The following POR variants were observed in gnomAD, a reference collection of about 807,000 sequenced individuals.
The protein encoded by POR is cytochrome p450 oxidoreductase.
Under a neutral mutation model 84.0 loss-of-function variants are expected in POR, and 56 were observed. That is an observed-to-expected ratio of 0.67 (90% CI 0.54 to 0.83). The LOEUF is 0.83. Ranked by LOEUF, POR falls within the 40% of genes least tolerant of loss-of-function variation. POR has a pLI of 0.00. For missense variants in POR, 938 were observed against 944.3 expected (o/e 0.99, Z 0.09); for synonymous variants, 414 against 400.5 (o/e 1.03, Z -0.40).
At chr7:75,981,304 C>T (rs1789027324) in intron 6 of POR, 132 bp downstream of exon 6, 6 of 1,358,546 alleles carry the variant, frequency 4.4e-6, no homozygotes, top group Non-Finnish European at 5.9e-6. Context: ...GGAAGGGGCT[C>T]TCCTGCCTCT....
chr7:75,986,507 C>A lies in POR; in HGVS notation c.*26C>A, dbSNP rs1436066011. ...GGGCCTGCCTGCCCCACCCACCCCA[C>A]AGACTCCGGCCTGTAATCAGCTCTC... On this transcript the variant is annotated 3_prime_UTR_variant, in exon 16 of 16. Transcript: ENST00000461988. 2 of 1,600,518 alleles carry A rather than the reference C, an allele frequency of 1.2e-6. No homozygotes were observed. Among genetic ancestry groups the A allele is most frequent in the Middle Eastern group, 1.9e-4 (1 of 5,262 alleles).
chr7:75,949,344 T>C (rs1407689400), intron 1 of POR, among the ~76,000 whole-genome samples: 1 of 151,874 alleles, frequency 6.6e-6, no homozygotes, highest in African/African-American at 2.4e-5. Flanking sequence ...TTAGTAGAGA[T>C]GGAGTTTCGC....
chr7:75,951,884 C>T (rs547824397), intron 1 of POR, among the ~76,000 whole-genome samples: 25 of 152,374 alleles, frequency 1.6e-4, no homozygotes, highest in African/African-American at 1.2e-4. Flanking sequence ...ACCAGTTGAG[C>T]ATCTTATGAG....
intron 1 of POR, among the ~76,000 whole-genome samples, chr7:75,924,453 G>A (rs1277536741): frequency 1.3e-5 from 2 of 152,174 alleles, no homozygotes; most frequent in East Asian, 3.9e-4. Flanking sequence ...AGGCCGAGGT[G>A]GACGGATCAC....
At position 75,975,157 on chromosome 7, in the gene POR, A is replaced by ATTT. The variant is rs79467024; in HGVS notation, c.237+2704_237+2706dup. Reference sequence around the variant, plus strand: ...GCTAAAGAGATAAAGATATTCCTGTATTTTTTTTTTCTAGTACTTTTAGGG... The same window carrying ATTT: ...GCTAAAGAGATAAAGATATTCCTGTATTTTTTTTTTTTTCTAGTACTTTTAGGG... On this transcript the variant is annotated intron_variant, in intron 3 of 15. Coordinates refer to ENST00000461988, the MANE Select transcript of POR (RefSeq NM_000941.3). Among the ~76,000 whole-genome samples the ATTT allele has an allele frequency of 3.3e-3, 489 of 150,166 alleles. 1 individual carries two copies. Among genetic ancestry groups the ATTT allele is most frequent in the African/African-American group, 0.011 (438 of 40,962 alleles).
At chr7:75,948,794 T>A (rs1787291717) in intron 1 of POR, among the ~76,000 whole-genome samples, 1 of 152,112 alleles carries the variant, frequency 6.6e-6, no homozygotes, top group Admixed American at 6.6e-5. Context: ...GACCCTCTAG[T>A]CAGGGAGAGA....
At chr7:75,923,555 T>C in intron 1 of POR, 2 of 375,436 alleles carry the variant, frequency 5.3e-6, no homozygotes, top group South Asian at 2.6e-5. Flanking sequence ...GATTATTTCC[T>C]GCTTTATCTT....
chr7:75,940,179 G>T (rs1275675555), intron 1 of POR, among the ~76,000 whole-genome samples: 1 of 151,992 alleles, frequency 6.6e-6, no homozygotes, highest in African/African-American at 2.4e-5. Flanking sequence ...CGCCTCCTGG[G>T]TTCAAGTGAT....
At chr7:75,973,132 A>G (rs985495739) in intron 3 of POR, among the ~76,000 whole-genome samples, 2 of 151,858 alleles carry the variant, frequency 1.3e-5, no homozygotes, top group South Asian at 2.1e-4. Context: ...CAATTTAACT[A>G]TTTAATTGTA....
chr7:75,986,318 A>G lies in POR; in HGVS notation c.1899-19A>G. 6.2e-7 allele frequency: 1 copy of G among 1,612,098 alleles called. No homozygotes were observed. The highest frequency in any genetic ancestry group is 8.5e-7 in the Non-Finnish European group (1 of 1,179,682). On this transcript the variant is annotated intron_variant, in intron 15 of 15. Coordinates refer to ENST00000461988, the MANE Select transcript of POR (RefSeq NM_000941.3). ...TGCCACAGTTGGCCCAGCCCCCAGCACCCCCTCTTCCTGCCCAGGGATGCA... is the reference window on the plus strand; with the variant it reads ...TGCCACAGTTGGCCCAGCCCCCAGCGCCCCCTCTTCCTGCCCAGGGATGCA...
intron 10 of POR, 132 bp downstream of exon 10, chr7:75,983,988 A>G (rs1034230747): frequency 4.8e-5 from 34 of 708,148 alleles, no homozygotes; most frequent in Admixed American, 1.5e-4. Flanking sequence ...CCGAGACTCC[A>G]CGGTTACAGG....
chr7:75,919,378 C>CGTGT (rs1458787395), intron 1 of POR, among the ~76,000 whole-genome samples: 50 of 136,260 alleles, frequency 3.7e-4, no homozygotes, highest in African/African-American at 1.5e-3. Flanking sequence ...TGCATCTGTG[C>CGTGT]GTGCGTGTGT....
chr7:75,931,810 G>A (rs1049257788), intron 1 of POR, among the ~76,000 whole-genome samples: 3 of 152,066 alleles, frequency 2.0e-5, no homozygotes, highest in African/African-American at 7.2e-5. Flanking sequence ...CACATGAACC[G>A]GCTCCCACCA....
At chr7:75,985,253 C>G (rs782097978) in intron 12 of POR, 46 bp downstream of exon 12, 1 of 1,533,648 alleles carries the variant, frequency 6.5e-7, no homozygotes, top group Non-Finnish European at 8.8e-7. Context: ...GAGGCCCAGC[C>G]CTGCTCACAG....
In POR at chr7:75,979,501, G is replaced by C. The variant is rs782226844; in HGVS notation, c.288G>C (p.Glu96Asp). ...GCTCCCAGACGGGGACTGCAGAGGA[G>C]TTTGCCAACCGCCTGTCCAAGGACG... The change falls in exon 4 of 16, where the codon GAG becomes GAC. Residue 96 changes from glutamate (E) to aspartate (D), a missense_variant. Transcript: ENST00000461988. 6 of 1,613,570 alleles carry C rather than the reference G, an allele frequency of 3.7e-6. No homozygotes were observed. The highest frequency in any genetic ancestry group is 5.1e-6 in the Non-Finnish European group (6 of 1,179,860).
intron 1 of POR, among the ~76,000 whole-genome samples, chr7:75,922,319 G>GTTT (rs1223302280): frequency 1.3e-4 from 16 of 125,640 alleles, no homozygotes; most frequent in Admixed American, 3.2e-4. Flanking sequence ...CTGATCTGTA[G>GTTT]TTTTTTTTTT....
chr7:75,921,448 G>T (rs1295220821), intron 1 of POR, among the ~76,000 whole-genome samples: 1 of 152,026 alleles, frequency 6.6e-6, no homozygotes, highest in African/African-American at 2.4e-5. Context: ...TTTTAGTAGA[G>T]ACAGGGTTTC....
intron 1 of POR, among the ~76,000 whole-genome samples, chr7:75,925,402 G>A (rs1231235415): frequency 6.6e-6 from 1 of 152,154 alleles, no homozygotes; most frequent in East Asian, 1.9e-4. Flanking sequence ...GTGTGCACCT[G>A]TAGTCCCAGC....
chr7:75,953,462 G>A (rs1409927102), intron 1 of POR, among the ~76,000 whole-genome samples: 5 of 151,988 alleles, frequency 3.3e-5, no homozygotes, highest in Non-Finnish European at 5.9e-5. Flanking sequence ...GGAATACAGA[G>A]ACACTCTTGC....
Sources: allele counts gnomAD v4.1 joint callset (sites outside exome capture counted in the v4.1 genomes callset), GRCh38; gene constraint gnomAD v4.1.1; transcripts MANE v1.5; gene names NCBI Gene and HGNC (gene_info 2026-07-23, HGNC 2026-07-21).